Variants in EPB41L5 observed in about 807,000 individuals in gnomAD.
EPB41L5 encodes the protein band 4.1-like protein 5.
EPB41L5 carries 55 observed loss-of-function variants against 106.6 expected under a neutral mutation model. That is an observed-to-expected ratio of 0.52 (90% CI 0.42 to 0.65). EPB41L5 has a LOEUF of 0.65. EPB41L5 is among the 30% of genes least tolerant of loss of function. The probability of loss-of-function intolerance (pLI) is 0.00; values close to 1 mark genes in which losing one functional copy is unlikely to be tolerated. For synonymous variants in EPB41L5, 297 were observed against 306.7 expected, an observed-to-expected ratio of 0.97 and a Z score of 0.33; for missense variants, 871 against 882.1, an observed-to-expected ratio of 0.99 and a Z score of 0.16.
At chr2:120,109,035 T>A (rs749324224) in intron 16 of EPB41L5, among the ~76,000 whole-genome samples, 1 of 152,200 alleles carries the variant, frequency 6.6e-6, no homozygotes, top group African/African-American at 2.4e-5. Flanking sequence ...TTGATATCTC[T>A]TTTTTTGATT....
chr2:120,024,109 C>T (rs567408169), intron 2 of EPB41L5, among the ~76,000 whole-genome samples: 36 of 152,302 alleles, frequency 2.4e-4, no homozygotes, highest in Admixed American at 2.1e-3. Context: ...GATATACAAT[C>T]ATGTCATCTG....
chr2:120,142,119 A>ATTT (rs771389616), intron 18 of EPB41L5, among the ~76,000 whole-genome samples: 85,141 of 142,276 alleles, frequency 0.6, 27,780 homozygotes, highest in Non-Finnish European at 0.73. Flanking sequence ...TTTTTAAAAA[A>ATTT]AAAAAAAAAA....
chr2:120,118,291 C>T (rs1333224967), intron 16 of EPB41L5, among the ~76,000 whole-genome samples: 1 of 152,210 alleles, frequency 6.6e-6, no homozygotes, highest in East Asian at 1.9e-4. Flanking sequence ...TGTATGTCCA[C>T]ATAGAAAAGA....
At chr2:120,082,850 A>C (rs1682776509) in intron 10 of EPB41L5, among the ~76,000 whole-genome samples, 1 of 152,198 alleles carries the variant, frequency 6.6e-6, no homozygotes, top group Admixed American at 6.5e-5. Flanking sequence ...GTATGTGTCC[A>C]GGAATTTATC....
intron 14 of EPB41L5, among the ~76,000 whole-genome samples, chr2:120,094,211 T>C (rs975512127): frequency 1.4e-4 from 22 of 152,168 alleles, no homozygotes; most frequent in Non-Finnish European, 3.1e-4. Flanking sequence ...GGTCTCAAAC[T>C]CCTGGGCTCA....
chr2:120,027,856 A>G (rs1406939356), intron 2 of EPB41L5, among the ~76,000 whole-genome samples: 2 of 151,848 alleles, frequency 1.3e-5, no homozygotes, highest in Admixed American at 1.3e-4. Context: ...TATTTTTTTA[A>G]ATTTCTTTAA....
chr2:120,152,340 T>C (rs996632327), intron 20 of EPB41L5, among the ~76,000 whole-genome samples: 1 of 152,254 alleles, frequency 6.6e-6, no homozygotes, highest in Non-Finnish European at 1.5e-5. Flanking sequence ...ACCACTCTTG[T>C]GAACTTCTAG....
intron 24 of EPB41L5, among the ~76,000 whole-genome samples, chr2:120,173,306 C>CTGA (rs1687769937): frequency 6.6e-6 from 1 of 152,134 alleles, no homozygotes; most frequent in Non-Finnish European, 1.5e-5. Flanking sequence ...TAAGCCTTCA[C>CTGA]AGTCCATAGG....
chr2:120,013,933 A>G (rs1677329111), intron 1 of EPB41L5, among the ~76,000 whole-genome samples: 1 of 152,144 alleles, frequency 6.6e-6, no homozygotes, highest in African/African-American at 2.4e-5. Context: ...AACTGCATTA[A>G]CTCAGTTTCT....
chr2:120,043,886 C>G (rs1433700218), intron 3 of EPB41L5, among the ~76,000 whole-genome samples: 2 of 152,046 alleles, frequency 1.3e-5, no homozygotes, highest in Non-Finnish European at 2.9e-5. Context: ...GTGGCTCATG[C>G]CTATAATCCC....
chr2:120,022,086 T>G (rs1677968411), intron 2 of EPB41L5, among the ~76,000 whole-genome samples: 1 of 152,218 alleles, frequency 6.6e-6, no homozygotes, highest in Admixed American at 6.5e-5. Flanking sequence ...GTAAACTTGT[T>G]TAAGAGCTTA....
At chr2:120,132,368 C>G (rs1685736430) in intron 18 of EPB41L5, among the ~76,000 whole-genome samples, 1 of 151,946 alleles carries the variant, frequency 6.6e-6, no homozygotes, top group Non-Finnish European at 1.5e-5. Flanking sequence ...TTTTTTTTCC[C>G]TCTACATACA....
chr2:120,130,259 G>A (rs1685635642), intron 17 of EPB41L5, among the ~76,000 whole-genome samples: 1 of 152,110 alleles, frequency 6.6e-6, no homozygotes, highest in Admixed American at 6.5e-5. Context: ...TGCATAGTGT[G>A]GGAGTTTAGT....
At chr2:120,050,382 A>G (rs1180776319) in intron 3 of EPB41L5, among the ~76,000 whole-genome samples, 2 of 151,838 alleles carry the variant, frequency 1.3e-5, no homozygotes, top group Admixed American at 6.6e-5. Context: ...TTTTTTCTCT[A>G]AACTTCTCAC....
chr2:120,096,514 G>T (rs1230972858), intron 14 of EPB41L5, among the ~76,000 whole-genome samples: 1 of 152,184 alleles, frequency 6.6e-6, no homozygotes, highest in Non-Finnish European at 1.5e-5. Context: ...TAATGGCTGG[G>T]AGCAGTGGCT....
intron 14 of EPB41L5, among the ~76,000 whole-genome samples, chr2:120,094,774 A>G (rs184857258): frequency 6.6e-6 from 1 of 152,152 alleles, no homozygotes; most frequent in African/African-American, 2.4e-5. Context: ...GGTTACCTCA[A>G]TTTATTTTCT....
At chr2:120,120,057 T>C (rs115593431) in intron 16 of EPB41L5, among the ~76,000 whole-genome samples, 3,239 of 152,274 alleles carry the variant, frequency 0.021, 114 homozygotes, top group African/African-American at 0.073. Context: ...TATGCTCCAC[T>C]GTATTTATTG....
In EPB41L5 at chr2:120,164,274, G is replaced by A. The variant is rs546220822; in HGVS notation, c.1888-562G>A. 3.9e-5 allele frequency among the ~76,000 whole-genome samples: 6 copies of A among 152,224 alleles called. No homozygotes were observed. The South Asian group carries it at 1.2e-3, about 32-fold the overall frequency. On this transcript the variant is annotated intron_variant, in intron 21 of 24. Coordinates refer to ENST00000263713, the MANE Select transcript of EPB41L5 (RefSeq NM_020909.4). ...CTGTCATCCAGGCTGGAGTACGGTG[G>A]TGTAATCTTGGCTCACTGCAGCCTC...
intron 13 of EPB41L5, among the ~76,000 whole-genome samples, chr2:120,092,186 T>C (rs1178918064): frequency 6.6e-6 from 1 of 151,838 alleles, no homozygotes; most frequent in Non-Finnish European, 1.5e-5. Flanking sequence ...GCGCCACCAC[T>C]CCTGACTCAT....
Sources: gnomAD v4.1 joint callset for allele counts (sites outside exome capture counted in the v4.1 genomes callset) on GRCh38, gnomAD v4.1.1 for gene constraint, MANE v1.5 for transcripts, NCBI Gene and HGNC (gene_info 2026-07-23, HGNC 2026-07-21) for gene names.